Variants in LRIG1 observed in about 807,000 individuals in gnomAD.
The protein encoded by LRIG1 is leucine rich repeats and immunoglobulin like domains 1, also known as leucine-rich repeats and immunoglobulin-like domains protein 1.
In LRIG1, 48 loss-of-function variants were observed where a neutral mutation model predicts 99.2. The observed-to-expected ratio is 0.48, with a 90% CI of 0.38 to 0.62. LRIG1 has a LOEUF of 0.62. Among genes scored for constraint, LRIG1 ranks in the 20% least tolerant of loss-of-function variants. LRIG1 has a pLI of 0.00. For synonymous variants in LRIG1, 772 were observed against 596.1 expected, an observed-to-expected ratio of 1.29 and a Z score of -4.30; for missense variants, 1,646 against 1,434.4, an observed-to-expected ratio of 1.15 and a Z score of -2.38.
In LRIG1 at chr3:66,410,229, G is replaced by A. The variant is rs548831189; in HGVS notation, c.835C>T (p.Leu279Phe). The A allele has an allele frequency of 1.3e-5, 21 of 1,613,902 alleles. No homozygotes were observed. Among genetic ancestry groups the A allele is most frequent in the South Asian group, 9.9e-5 (9 of 91,052 alleles). Residue 279 changes from leucine to phenylalanine, a missense_variant, in exon 7 of 19, where the codon CTC (leucine) becomes TTC (phenylalanine). Leu to Phe is a conservative substitution (Grantham distance 22). Transcript: ENST00000273261. ...TGATGCAGGGCCGTGAGGCCGTAGA[G>A]CGAGCCGCTGTTCACTTCTACCAGG... ...NSLVEVNSGS[L>F]YGLTALHQLH...
Position 66,414,925 on chromosome 3 carries a change from T to C in LRIG1, c.642A>G (p.Thr214=). 1 of 1,599,518 alleles carries C rather than the reference T, an allele frequency of 6.3e-7. No individual in the cohort carries two copies. The highest frequency in any genetic ancestry group is 1.7e-4 in the Middle Eastern group (1 of 5,972). ...PVRAFKLPRL[T]QLDLNRNRIR... Reference sequence around the variant, plus strand: ...GTGTAGGTTTCTGTACTCACAGTTGTGTCAGCCTGGGTAGCTTGAATGCTC... The same window carrying C: ...GTGTAGGTTTCTGTACTCACAGTTGCGTCAGCCTGGGTAGCTTGAATGCTC... Residue 214 remains threonine, a synonymous_variant, in exon 5 of 19, where the codon ACA becomes ACG. Coordinates refer to ENST00000273261, the MANE Select transcript of LRIG1 (RefSeq NM_015541.3).
intron 13 of LRIG1, among the ~76,000 whole-genome samples, chr3:66,385,160 C>T (rs760445067): frequency 6.6e-6 from 1 of 152,332 alleles, no homozygotes; most frequent in Non-Finnish European, 1.5e-5. Flanking sequence ...CCCCCTCCTC[C>T]AAACACACAA....
intron 3 of LRIG1, among the ~76,000 whole-genome samples, chr3:66,426,653 A>T (rs1336094340): frequency 1.3e-5 from 2 of 152,234 alleles, no homozygotes; most frequent in Non-Finnish European, 1.5e-5. Context: ...AAGTCTCTCT[A>T]CCACTGTTAT....
At chr3:66,451,755 G>C (rs1163725785) in intron 2 of LRIG1, 122 bp from the exon 3 acceptor site, 2 of 680,994 alleles carry the variant, frequency 2.9e-6, no homozygotes, top group Non-Finnish European at 4.8e-6. Flanking sequence ...TCTAATGTTG[G>C]AGAAAAGAGA....
chr3:66,491,632 G>T (rs1192166153), intron 1 of LRIG1, among the ~76,000 whole-genome samples: 1 of 151,946 alleles, frequency 6.6e-6, no homozygotes, highest in African/African-American at 2.4e-5. Flanking sequence ...CCACCCTACA[G>T]TAAATAGTAT....
At chr3:66,473,261 C>CAAATTTT (rs1489337231) in intron 1 of LRIG1, among the ~76,000 whole-genome samples, 1 of 152,200 alleles carries the variant, frequency 6.6e-6, no homozygotes, top group African/African-American at 2.4e-5. Context: ...TTTTAAGGGA[C>CAAATTTT]AAATGACATA....
At chr3:66,418,998 C>T (rs549687993) in intron 3 of LRIG1, among the ~76,000 whole-genome samples, 1 of 151,740 alleles carries the variant, frequency 6.6e-6, no homozygotes, top group East Asian at 1.9e-4. Context: ...TTTCTGGCTC[C>T]AAAGGAAAAA....
At chr3:66,483,233 G>A (rs921541557) in intron 1 of LRIG1, among the ~76,000 whole-genome samples, 1 of 152,180 alleles carries the variant, frequency 6.6e-6, no homozygotes, top group Non-Finnish European at 1.5e-5. Context: ...TTGCTAGCAT[G>A]CCTGGGAGAC....
At chr3:66,399,835 C>T (rs698503) in intron 9 of LRIG1, among the ~76,000 whole-genome samples, 123,639 of 152,160 alleles carry the variant, frequency 0.81, 51,672 homozygotes, top group Non-Finnish European at 0.91. Context: ...GGGAATAAAG[C>T]TTCCCAAAAG....
chr3:66,417,292 T>C, intron 3 of LRIG1, 26 bp from the exon 4 acceptor site: 1 of 1,600,356 alleles, frequency 6.2e-7, no homozygotes, highest in Non-Finnish European at 8.6e-7. Flanking sequence ...GGAGGTGACT[T>C]GAGCATCTCT....
At chr3:66,406,120 C>G (rs1702260790) in intron 8 of LRIG1, 1 of 985,430 alleles carries the variant, frequency 1.0e-6, no homozygotes, top group Admixed American at 6.1e-5. Flanking sequence ...GAAGCTGCAG[C>G]AGGAATCAAT....
At chr3:66,385,747 C>G (rs572731715) in intron 13 of LRIG1, among the ~76,000 whole-genome samples, 1 of 152,182 alleles carries the variant, frequency 6.6e-6, no homozygotes, top group Admixed American at 6.5e-5. Flanking sequence ...CCACAGCACC[C>G]GGCCAATAAC....
In LRIG1 at chr3:66,415,041, C is replaced by G. The variant is rs2106688506; in HGVS notation, c.526G>C (p.Gly176Arg). The change falls in exon 5 of 19, where the codon GGC becomes CGC. Residue 176 changes from glycine to arginine, a missense_variant. Gly to Arg is a moderately radical substitution (Grantham distance 125). Transcript: ENST00000273261. ...KELNLAGNRI[G>R]TLELGAFDGL... is the part of the protein sequence containing the mutation. ...TCAAATGCTCCCAACTCCAGGGTGC[C>G]AATCCGATTGCCTGCCAGGTTGCTG... 6.2e-7 allele frequency: 1 copy of G among 1,604,506 alleles called. No homozygotes were observed. The highest frequency in any genetic ancestry group is 1.1e-5 in the South Asian group (1 of 89,292).
intron 9 of LRIG1, among the ~76,000 whole-genome samples, chr3:66,401,180 A>G (rs1461453871): frequency 6.6e-6 from 1 of 152,172 alleles, no homozygotes; most frequent in Non-Finnish European, 1.5e-5. Context: ...GCGTTTCCAC[A>G]CCTCTCTTCA....
chr3:66,487,659 C>T lies in LRIG1; in HGVS notation c.218+12531G>A, dbSNP rs200589032. On this transcript the variant is annotated intron_variant, in intron 1 of 18. Transcript: ENST00000273261. The stretch of plus-strand genomic sequence containing the variant: ...AATCAGATAGACTCAGAGATTCCTC[C>T]GGGAAAGGACGAGATGTCAACAATA... 4.6e-5 allele frequency among the ~76,000 whole-genome samples: 7 copies of T among 152,008 alleles called. No individual in the cohort carries two copies. In the East Asian group the frequency reaches 5.8e-4, roughly 13 times the overall value.
At chr3:66,425,658 T>C (rs1180611075) in intron 3 of LRIG1, among the ~76,000 whole-genome samples, 1 of 152,188 alleles carries the variant, frequency 6.6e-6, no homozygotes, top group East Asian at 1.9e-4. Flanking sequence ...AGCGCAGCCT[T>C]TCTCTGCAAC....
intron 13 of LRIG1, among the ~76,000 whole-genome samples, chr3:66,385,534 C>T (rs332369): frequency 0.076 from 11,565 of 152,132 alleles, 583 homozygotes; most frequent in African/African-American, 0.15. Context: ...CTCACTGCAA[C>T]GTCCACCTCC....
At chr3:66,447,072 A>C (rs1218602534) in intron 3 of LRIG1, among the ~76,000 whole-genome samples, 1 of 151,932 alleles carries the variant, frequency 6.6e-6, no homozygotes, top group African/African-American at 2.4e-5. Context: ...CATTTTTTTA[A>C]ATTTTCTGAT....
chr3:66,447,972 G>A (rs751529228), intron 3 of LRIG1, among the ~76,000 whole-genome samples: 18 of 152,102 alleles, frequency 1.2e-4, no homozygotes, highest in Non-Finnish European at 2.5e-4. Flanking sequence ...TCTTTTTCTC[G>A]GCACTATTTT....
Sources: gnomAD v4.1 joint callset for allele counts (sites outside exome capture counted in the v4.1 genomes callset) on GRCh38, gnomAD v4.1.1 for gene constraint, MANE v1.5 for transcripts, NCBI Gene and HGNC (gene_info 2026-07-23, HGNC 2026-07-21) for gene names.